Variants in FARP1 observed in about 807,000 individuals in gnomAD.
FARP1 encodes FERM, ARH/RhoGEF and pleckstrin domain protein 1, also known as FERM, ARHGEF and pleckstrin domain-containing protein 1.
A neutral mutation model predicts 128.8 loss-of-function variants in FARP1; 52 were observed. The observed-to-expected ratio is 0.40, with a 90% CI of 0.32 to 0.51. The LOEUF is 0.51. Ranked by LOEUF, FARP1 falls within the 20% of genes least tolerant of loss-of-function variation. The pLI is 0.45. For missense variants in FARP1, 1,333 were observed against 1,367.9 expected (o/e 0.97, Z 0.40); for synonymous variants, 580 against 551.8 (o/e 1.05, Z -0.72).
chr13:98,361,248 C>T (rs1407435904), intron 3 of FARP1, among the ~76,000 whole-genome samples: 8 of 152,304 alleles, frequency 5.3e-5, no homozygotes, highest in South Asian at 4.1e-4. Flanking sequence ...AGCCTGGTTG[C>T]GTTGGGGTGT....
At chr13:98,211,042 T>C (rs1880674152) in intron 1 of FARP1, among the ~76,000 whole-genome samples, 1 of 152,198 alleles carries the variant, frequency 6.6e-6, no homozygotes, top group South Asian at 2.1e-4. Context: ...CCTCTTTCTT[T>C]AGTTATATAT....
chr13:98,312,795 A>G (rs1345276737), intron 2 of FARP1, among the ~76,000 whole-genome samples: 1 of 152,142 alleles, frequency 6.6e-6, no homozygotes, highest in Admixed American at 6.5e-5. Context: ...GAGTCACTAT[A>G]GAGGCCGTGT....
At chr13:98,295,353 G>A (rs148372644) in intron 2 of FARP1, among the ~76,000 whole-genome samples, 87 of 152,276 alleles carry the variant, frequency 5.7e-4, no homozygotes, top group African/African-American at 1.9e-3. Flanking sequence ...CGAGACTCGC[G>A]TGTCCTCAGT....
intron 3 of FARP1, among the ~76,000 whole-genome samples, chr13:98,347,618 G>A (rs913194202): frequency 2.0e-5 from 3 of 152,108 alleles, no homozygotes; most frequent in African/African-American, 4.8e-5. Context: ...TATTCACCAC[G>A]TCTCCAGTAT....
rs111421565 is a variant in FARP1 at position 98,260,079 on chromosome 13, C to T, written c.171+46666C>T. On this transcript the variant is annotated intron_variant, in intron 2 of 26. Coordinates refer to ENST00000319562, the MANE Select transcript of FARP1 (RefSeq NM_005766.4). The stretch of plus-strand genomic sequence containing the variant: ...GTAAAAATTGCATCTGCTAGGTGGG[C>T]GGCCCATTTCAAGGAAAATTCTAGA... Among the ~76,000 whole-genome samples, 399 of 152,110 alleles carry T rather than the reference C, an allele frequency of 2.6e-3. 2 individuals are homozygous for T. Among genetic ancestry groups the T allele is most frequent in the African/African-American group, 9.0e-3 (375 of 41,488 alleles).
intron 8 of FARP1, 28 bp from the exon 9 acceptor site, chr13:98,388,355 G>T: frequency 1.3e-6 from 2 of 1,566,386 alleles, no homozygotes; most frequent in South Asian, 1.1e-5. Context: ...TGCATTTCCT[G>T]GCTCACTGCT....
chr13:98,397,353 G>C (rs1890588400), intron 13 of FARP1: 1 of 152,238 alleles, frequency 6.6e-6, no homozygotes, highest in South Asian at 2.1e-4. Context: ...ATTGTGTACA[G>C]CGCAGAGAAG....
chr13:98,247,610 G>T (rs1253352792), intron 2 of FARP1, among the ~76,000 whole-genome samples: 1 of 152,166 alleles, frequency 6.6e-6, no homozygotes, highest in African/African-American at 2.4e-5. Context: ...TGAGCTCAGG[G>T]CTCTGCTGGG....
chr13:98,389,977 G>A lies in FARP1; in HGVS notation c.876G>A (p.Leu292=). 6.2e-7 allele frequency: 1 copy of A among 1,614,114 alleles called. No homozygotes were observed. Among genetic ancestry groups the A allele is most frequent in the East Asian group, 2.2e-5 (1 of 44,884 alleles). The change falls in exon 10 of 27, where the codon TTG becomes TTA. Residue 292 remains leucine, a synonymous_variant. Transcript: ENST00000319562. ...PDANSAYQDT[L]EFLMASRDFC... ...TTTAGAGTGCGTACCAGGATACCTTGGAATTCCTGATGGCCAGTCGGGATT... is the reference window on the plus strand; with the variant it reads ...TTTAGAGTGCGTACCAGGATACCTTAGAATTCCTGATGGCCAGTCGGGATT...
chr13:98,184,188 G>T (rs1314834732), intron 1 of FARP1, among the ~76,000 whole-genome samples: 2 of 151,938 alleles, frequency 1.3e-5, no homozygotes, highest in East Asian at 3.9e-4. Context: ...TGAGATCTCG[G>T]CTCACTGCAA....
chr13:98,170,557 C>T (rs1266492598), intron 1 of FARP1, among the ~76,000 whole-genome samples: 5 of 151,774 alleles, frequency 3.3e-5, no homozygotes, highest in East Asian at 3.9e-4. Flanking sequence ...GGGGTTTCAC[C>T]GTGTTAGCCA....
chr13:98,435,688 T>C lies in FARP1; in HGVS notation c.2256T>C (p.Asn752=), dbSNP rs780178799. ...AGAAAGATTTGATTGGCATTGACAATCTTGTGGTTCCGGGAAGGGTAAGCA... is the reference window on the plus strand; with the variant it reads ...AGAAAGATTTGATTGGCATTGACAACCTTGTGGTTCCGGGAAGGGTAAGCA... ...ELKKDLIGID[N]LVVPGREFIR... is the part of the protein sequence containing the mutation. The change falls in exon 19 of 27, where the codon AAT becomes AAC. Residue 752 remains asparagine, a synonymous_variant. Transcript: ENST00000319562. The C allele has an allele frequency of 2.6e-5, 42 of 1,614,014 alleles. No individual in the cohort carries two copies. Among genetic ancestry groups the C allele is most frequent in the Non-Finnish European group, 3.5e-5 (41 of 1,180,002 alleles).
At chr13:98,159,907 T>C (rs1338117705) in intron 1 of FARP1, among the ~76,000 whole-genome samples, 1 of 152,226 alleles carries the variant, frequency 6.6e-6, no homozygotes, top group Non-Finnish European at 1.5e-5. Context: ...AGTTGTGAAG[T>C]TGGAGGATGA....
intron 2 of FARP1, among the ~76,000 whole-genome samples, chr13:98,290,411 C>T (rs1282157895): frequency 6.6e-6 from 1 of 151,912 alleles, no homozygotes. Flanking sequence ...CCATGGGTCT[C>T]TGCTAAATGT....
intron 1 of FARP1, among the ~76,000 whole-genome samples, chr13:98,183,647 C>G (rs1253930931): frequency 1.3e-5 from 2 of 152,116 alleles, no homozygotes; most frequent in East Asian, 3.9e-4. Context: ...TATTAGCTGC[C>G]TTTGCCTGTG....
At chr13:98,333,480 A>ACAC (rs1555338445) in intron 2 of FARP1, 2 of 108,338 alleles carry the variant, frequency 1.8e-5, no homozygotes, top group Admixed American at 8.9e-5. Context: ...CACACACACA[A>ACAC]AATCTATCTT....
At chr13:98,198,133 G>A (rs1212387939) in intron 1 of FARP1, among the ~76,000 whole-genome samples, 2 of 152,078 alleles carry the variant, frequency 1.3e-5, no homozygotes, top group African/African-American at 4.8e-5. Context: ...CTCTGATAAG[G>A]ACCTCAGCAA....
chr13:98,437,661 G>A, intron 19 of FARP1: 1 of 652,908 alleles, frequency 1.5e-6, no homozygotes, highest in East Asian at 2.6e-5. Flanking sequence ...GGCGCAGGAA[G>A]ATGGTGAGTT....
intron 2 of FARP1, among the ~76,000 whole-genome samples, chr13:98,301,558 A>G (rs970895225): frequency 6.6e-5 from 10 of 152,090 alleles, no homozygotes; most frequent in Admixed American, 5.9e-4. Flanking sequence ...CATTTTGTTT[A>G]TGTCTTTCTA....
Sources: gnomAD v4.1 joint callset for allele counts (sites outside exome capture counted in the v4.1 genomes callset) on GRCh38, gnomAD v4.1.1 for gene constraint, MANE v1.5 for transcripts, NCBI Gene and HGNC (gene_info 2026-07-23, HGNC 2026-07-21) for gene names.